Variants in TFEC observed in about 807,000 individuals in gnomAD.
TFEC encodes class E basic helix-loop-helix protein 34.
In TFEC, 31 loss-of-function variants were observed where a neutral mutation model predicts 41.6. The observed-to-expected ratio is 0.74, with a 90% CI of 0.56 to 1.01. The LOEUF is 1.01. TFEC is among the 50% of genes least tolerant of loss of function. The probability of loss-of-function intolerance (pLI) is 0.00; values close to 1 mark genes in which losing one functional copy is unlikely to be tolerated. For missense variants in TFEC, 402 were observed against 404.1 expected, an observed-to-expected ratio of 0.99 and a Z score of 0.04; for synonymous variants, 143 against 140.6, an observed-to-expected ratio of 1.02 and a Z score of -0.12.
chr7:116,079,978 T>C (rs946898638), intron 3 of TFEC, among the ~76,000 whole-genome samples: 10 of 151,930 alleles, frequency 6.6e-5, no homozygotes, highest in Admixed American at 5.3e-4. Flanking sequence ...GGTTTAAAAA[T>C]AGGCACATAG....
chr7:115,964,402 C>T (rs1472814788), intron 3 of TFEC, among the ~76,000 whole-genome samples: 1 of 151,440 alleles, frequency 6.6e-6, no homozygotes, highest in South Asian at 2.1e-4. Context: ...TTCACTGACA[C>T]CAAAATCATA....
intron 3 of TFEC, among the ~76,000 whole-genome samples, chr7:116,107,533 G>A (rs1797748842): frequency 6.6e-6 from 1 of 152,150 alleles, no homozygotes; most frequent in Non-Finnish European, 1.5e-5. Flanking sequence ...TGAGAACAAA[G>A]ACAATATGCA....
intron 1 of TFEC, among the ~76,000 whole-genome samples, chr7:116,023,014 TA>T (rs1201831833): frequency 1.3e-5 from 2 of 151,926 alleles, no homozygotes; most frequent in Middle Eastern, 3.4e-3. Context: ...CAGCTTGCTT[TA>T]AAATCTATTA....
At chr7:116,011,760 A>C (rs1001859638) in intron 1 of TFEC, among the ~76,000 whole-genome samples, 20 of 152,132 alleles carry the variant, frequency 1.3e-4, no homozygotes, top group Admixed American at 1.3e-3. Flanking sequence ...ATCCCTCATC[A>C]ATGGCTTGGT....
Position 116,022,189 on chromosome 7 carries a change from T to C in TFEC, c.-73+8444A>G, listed in dbSNP as rs191983216. 2.0e-4 allele frequency among the ~76,000 whole-genome samples: 31 copies of C among 152,278 alleles called. No homozygotes were observed. In the East Asian group the frequency reaches 5.2e-3, roughly 26 times the overall value. ...TTTTGGAGATTTATAAAAAGACACTTAGAACTCAGTGGAGGGTTTGATGAC... is the reference window on the plus strand; with the variant it reads ...TTTTGGAGATTTATAAAAAGACACTCAGAACTCAGTGGAGGGTTTGATGAC... On this transcript the variant is annotated intron_variant, in intron 1 of 7. Coordinates refer to ENST00000265440, the MANE Select transcript of TFEC (RefSeq NM_012252.4).
chr7:115,948,474 G>A lies in TFEC; in HGVS notation c.515+2400C>T, dbSNP rs532056228. On this transcript the variant is annotated intron_variant, in intron 6 of 7. Transcript: ENST00000265440. ...ATAAAATACTGGCAAACTGAATCCA[G>A]CAGCACATCAAAAAGCGTATCCACC... is the stretch of plus-strand genomic sequence containing the variant. 1.4e-3 allele frequency among the ~76,000 whole-genome samples: 209 copies of A among 152,204 alleles called. 1 individual carries two copies. The highest frequency in any genetic ancestry group is 4.8e-3 in the African/African-American group (200 of 41,536).
chr7:115,974,465 T>G (rs1793294179), intron 2 of TFEC, among the ~76,000 whole-genome samples: 1 of 107,832 alleles, frequency 9.3e-6, no homozygotes. Flanking sequence ...CACAGATTAC[T>G]TTAGCATTGA....
chr7:116,077,936 T>A (rs1796998416), intron 3 of TFEC, among the ~76,000 whole-genome samples: 1 of 152,124 alleles, frequency 6.6e-6, no homozygotes, highest in African/African-American at 2.4e-5. Flanking sequence ...ACTTAACAGA[T>A]ATTTGCACAA....
chr7:115,950,474 G>C (rs548883143), intron 6 of TFEC, among the ~76,000 whole-genome samples: 29 of 152,046 alleles, frequency 1.9e-4, no homozygotes, highest in African/African-American at 5.5e-4. Context: ...CGGGGACCTT[G>C]GAAAATCTAA....
In TFEC at chr7:115,936,737, T is replaced by C. The variant is rs1039472798; in HGVS notation, c.*3814A>G. On this transcript the variant is annotated 3_prime_UTR_variant, in exon 8 of 8. Coordinates refer to ENST00000265440, the MANE Select transcript of TFEC (RefSeq NM_012252.4). ...CATTATGGTAAATGAGCACACCAAA[T>C]CAAGACATTCTTTGTATCTGTTTTT... 2.6e-5 allele frequency: 4 copies of C among 151,506 alleles called. No homozygotes were observed. Among genetic ancestry groups the C allele is most frequent in the African/African-American group, 9.7e-5 (4 of 41,360 alleles). 9.4% of individuals were successfully genotyped at this position (151,506 alleles called of 1,614,324 possible).
intron 3 of TFEC, among the ~76,000 whole-genome samples, chr7:116,080,233 A>C (rs1797056286): frequency 6.6e-6 from 1 of 151,412 alleles, no homozygotes; most frequent in Non-Finnish European, 1.5e-5. Context: ...AATTCTAGAC[A>C]TTGGGAAAAC....
intron 3 of TFEC, among the ~76,000 whole-genome samples, chr7:116,096,814 G>A (rs1797472254): frequency 1.3e-5 from 2 of 152,014 alleles, no homozygotes; most frequent in African/African-American, 4.8e-5. Context: ...AAGATAGGCT[G>A]GGCGCTGTGG....
At chr7:116,079,711 T>G (rs1421680842) in intron 3 of TFEC, among the ~76,000 whole-genome samples, 4 of 152,004 alleles carry the variant, frequency 2.6e-5, no homozygotes, top group African/African-American at 9.7e-5. Context: ...ACATCCCAGA[T>G]GCATGAATGG....
chr7:115,948,210 C>T lies in TFEC; in HGVS notation c.515+2664G>A, dbSNP rs557413006. Among the ~76,000 whole-genome samples, 1,190 of 151,764 alleles carry T rather than the reference C, an allele frequency of 7.8e-3. 21 individuals carry two copies. The highest frequency in any genetic ancestry group is 0.027 in the African/African-American group (1,124 of 41,390). ...CTGAAATTGTGGCAATAATCAATAG[C>T]TTACCAACCAAAAAGAGTCCAGGAC... On this transcript the variant is annotated intron_variant, in intron 6 of 7. Transcript: ENST00000265440.
intron 3 of TFEC, among the ~76,000 whole-genome samples, chr7:116,039,306 GAAGAGAAAA>G (rs535399346): frequency 1.3e-5 from 2 of 151,868 alleles, no homozygotes; most frequent in East Asian, 3.8e-4. Flanking sequence ...CAAATAAGAA[GAAGAGAAAA>G]AAGAGAAAAA....
intron 3 of TFEC, chr7:115,968,444 T>G: frequency 1.7e-6 from 1 of 599,182 alleles, no homozygotes; most frequent in Non-Finnish European, 2.6e-6. Flanking sequence ...TATTTACTCA[T>G]TCCTCGTCTC....
At chr7:116,029,923 A>G (rs1173680982) in intron 1 of TFEC, among the ~76,000 whole-genome samples, 4 of 150,436 alleles carry the variant, frequency 2.7e-5, no homozygotes, top group Non-Finnish European at 5.9e-5. Flanking sequence ...AAAATTAGCC[A>G]GGTGTGGTGG....
Position 115,974,154 on chromosome 7 carries a change from G to T in TFEC, c.267+16C>A, listed in dbSNP as rs565538832. ...ATTTCTGTTTCAATGACCTTCTTGG[G>T]TCTGAAAGCACTTACTGTTCTTTGC... is the stretch of plus-strand genomic sequence containing the variant. On this transcript the variant is annotated intron_variant, in intron 3 of 7. Transcript: ENST00000265440. 1.9e-6 allele frequency: 3 copies of T among 1,577,162 alleles called. No individual in the cohort carries two copies. The highest frequency in any genetic ancestry group is 2.6e-6 in the Non-Finnish European group (3 of 1,165,194).
chr7:116,106,119 G>C (rs766967986), intron 3 of TFEC, among the ~76,000 whole-genome samples: 16 of 151,972 alleles, frequency 1.1e-4, no homozygotes, highest in Non-Finnish European at 1.8e-4. Flanking sequence ...GACATATGAC[G>C]TTGCTTAGAA....
Sources: allele counts gnomAD v4.1 joint callset (sites outside exome capture counted in the v4.1 genomes callset), GRCh38; gene constraint gnomAD v4.1.1; transcripts MANE v1.5; gene names NCBI Gene and HGNC (gene_info 2026-07-23, HGNC 2026-07-21).